Variants in RNF217 observed in about 807,000 individuals in gnomAD.
RNF217 encodes the protein ring finger protein 217.
A neutral mutation model predicts 57.8 loss-of-function variants in RNF217; 31 were observed. The ratio of observed to expected loss-of-function variants is 0.54; its 90% confidence interval spans 0.40 to 0.72. The LOEUF is 0.72. RNF217 is among the 30% of genes least tolerant of loss of function. The probability of loss-of-function intolerance (pLI) is 0.00; values close to 1 mark genes in which losing one functional copy is unlikely to be tolerated. For synonymous variants in RNF217, 313 were observed against 294.0 expected (o/e 1.06, Z -0.66); for missense variants, 696 against 708.3 (o/e 0.98, Z 0.20).
chr6:125,025,277 ACACAAGAACATTAAATAATCTTTCATT>A (rs1428693005), intron 1 of RNF217, among the ~76,000 whole-genome samples: 3 of 152,190 alleles, frequency 2.0e-5, no homozygotes, highest in African/African-American at 7.2e-5. Flanking sequence ...GTGGACGTGA[ACACAAGAACATTAAATAATCTTTCATT>A]TGGCTTGGCT....
intron 3 of RNF217, 105 bp from the exon 4 acceptor site, chr6:125,076,550 CTT>C (rs1328231281): frequency 1.4e-6 from 1 of 700,240 alleles, no homozygotes; most frequent in Non-Finnish European, 2.5e-6. Flanking sequence ...CTGTGAGAGA[CTT>C]TTATTTTGGT....
At chr6:125,046,541 CTT>C (rs1787106616) in intron 2 of RNF217, 3 of 454,972 alleles carry the variant, frequency 6.6e-6, no homozygotes, top group South Asian at 4.7e-5. Flanking sequence ...AGTAGAGAAT[CTT>C]TGCAGTAAAT....
chr6:125,009,027 C>T (rs1785314374), intron 1 of RNF217: 1 of 374,100 alleles, frequency 2.7e-6, no homozygotes, highest in Non-Finnish European at 4.7e-6. Flanking sequence ...AATTTTATAC[C>T]TCATTACATA....
intron 3 of RNF217, among the ~76,000 whole-genome samples, chr6:125,061,976 T>C (rs980237235): frequency 2.6e-5 from 4 of 152,050 alleles, no homozygotes; most frequent in Non-Finnish European, 4.4e-5. Context: ...CAATTGTGTT[T>C]ATGGGATGAC....
At chr6:125,024,584 G>A (rs533275990) in intron 1 of RNF217, among the ~76,000 whole-genome samples, 32 of 152,118 alleles carry the variant, frequency 2.1e-4, no homozygotes, top group African/African-American at 7.0e-4. Flanking sequence ...CAGACATAGC[G>A]GTGCATGCCT....
intron 2 of RNF217, among the ~76,000 whole-genome samples, chr6:125,051,920 C>T (rs138633589): frequency 0.019 from 2,922 of 152,036 alleles, 241 homozygotes; most frequent in Admixed American, 0.14. Flanking sequence ...AGAAATGGGT[C>T]CTCGGACAAG....
At chr6:124,979,281 A>G (rs1483390635) in intron 1 of RNF217, among the ~76,000 whole-genome samples, 1 of 152,216 alleles carries the variant, frequency 6.6e-6, no homozygotes, top group South Asian at 2.1e-4. Context: ...GAGTAGAAAA[A>G]GTTAGAACTT....
chr6:125,043,057 G>A (rs1475284611), intron 1 of RNF217, among the ~76,000 whole-genome samples: 5 of 151,962 alleles, frequency 3.3e-5, no homozygotes, highest in Admixed American at 6.6e-5. Flanking sequence ...CTCCTAAGAT[G>A]GCTTCATGCT....
chr6:125,060,781 A>G (rs1249772443), intron 3 of RNF217, among the ~76,000 whole-genome samples: 1 of 152,152 alleles, frequency 6.6e-6, no homozygotes. Context: ...TATCAAGGTG[A>G]TATAACATCA....
intron 2 of RNF217, chr6:125,046,500 AT>A: frequency 4.6e-6 from 2 of 438,872 alleles, no homozygotes; most frequent in Non-Finnish European, 9.2e-6. Flanking sequence ...TGTCTTCCAA[AT>A]TTTTGAGCCT....
At chr6:125,034,413 T>G (rs920925441) in intron 1 of RNF217, among the ~76,000 whole-genome samples, 3 of 152,210 alleles carry the variant, frequency 2.0e-5, no homozygotes, top group African/African-American at 7.2e-5. Flanking sequence ...TTTCTCCATA[T>G]GGCTAGCCAG....
chr6:125,069,799 A>G (rs769028321), intron 3 of RNF217, among the ~76,000 whole-genome samples: 3 of 152,096 alleles, frequency 2.0e-5, no homozygotes, highest in Non-Finnish European at 2.9e-5. Flanking sequence ...CCTCACCAGC[A>G]TCTGTTGTTT....
At chr6:125,067,556 A>G (rs1300629971) in intron 3 of RNF217, among the ~76,000 whole-genome samples, 1 of 152,340 alleles carries the variant, frequency 6.6e-6, no homozygotes, top group East Asian at 1.9e-4. Context: ...AATATTTAGT[A>G]TGGGTATCTA....
chr6:125,061,234 C>G, intron 3 of RNF217, among the ~76,000 whole-genome samples: 1 of 151,832 alleles, frequency 6.6e-6, no homozygotes, highest in South Asian at 2.1e-4. Context: ...TAGTATTTAG[C>G]ACATATTGGC....
rs1788642306 is a variant in RNF217, at chr6:125,083,204, G to A, written c.*267G>A. The A allele has an allele frequency of 3.5e-6, 1 of 283,616 alleles. No individual in the cohort carries two copies. Among genetic ancestry groups the A allele is most frequent in the South Asian group, 1.3e-4 (1 of 7,682 alleles). The allele number at this position is 283,616 out of a possible 1,614,324, so 17.6% of individuals were successfully genotyped here. A position where few individuals can be genotyped will look rare whatever the true frequency, so the allele number is the denominator to read the frequency against. ...TCTATATCATAACTCTGACCTTTGT[G>A]GTTCTTGGAAGAAGATATTTTAAGA... On this transcript the variant is annotated 3_prime_UTR_variant, in exon 6 of 6. Transcript: ENST00000521654.
At chr6:125,069,126 A>G (rs1788043148) in intron 3 of RNF217, among the ~76,000 whole-genome samples, 1 of 152,226 alleles carries the variant, frequency 6.6e-6, no homozygotes, top group Admixed American at 6.5e-5. Context: ...AATTCTTGTC[A>G]TTATAAATTA....
chr6:125,081,352 C>T (rs1376302973), intron 4 of RNF217, 84 bp from the exon 5 acceptor site: 1 of 945,074 alleles, frequency 1.1e-6, no homozygotes, highest in Non-Finnish European at 1.7e-6. Flanking sequence ...ATAATATACA[C>T]TGTGGTATTT....
chr6:125,004,234 G>A (rs1237237335), intron 1 of RNF217, among the ~76,000 whole-genome samples: 1 of 152,128 alleles, frequency 6.6e-6, no homozygotes, highest in African/African-American at 2.4e-5. Context: ...TCCTTACCCT[G>A]TTACTGAGTT....
intron 3 of RNF217, among the ~76,000 whole-genome samples, chr6:125,066,296 G>C (rs1234334476): frequency 6.6e-6 from 1 of 152,140 alleles, no homozygotes; most frequent in Non-Finnish European, 1.5e-5. Context: ...AAAATTGTCT[G>C]TGGTTCCTAT....
Sources: allele counts gnomAD v4.1 joint callset (sites outside exome capture counted in the v4.1 genomes callset), GRCh38; gene constraint gnomAD v4.1.1; transcripts MANE v1.5; gene names NCBI Gene and HGNC (gene_info 2026-07-23, HGNC 2026-07-21).